Variants in CDK6 observed in about 807,000 individuals in gnomAD.
The protein encoded by CDK6 is cyclin-dependent kinase 6.
Under a neutral mutation model 37.1 loss-of-function variants are expected in CDK6, and 6 were observed. That is an observed-to-expected ratio of 0.16 (90% CI 0.09 to 0.32). CDK6 has a LOEUF of 0.32. Among genes scored for constraint, CDK6 ranks in the 10% least tolerant of loss-of-function variants. The pLI is 1.00. For synonymous variants in CDK6, 160 were observed against 161.3 expected, an observed-to-expected ratio of 0.99 and a Z score of 0.06; for missense variants, 224 against 418.9, an observed-to-expected ratio of 0.53 and a Z score of 4.06.
intron 5 of CDK6, among the ~76,000 whole-genome samples, chr7:92,646,364 G>T (rs967735000): frequency 2.0e-5 from 3 of 151,524 alleles, no homozygotes; most frequent in Non-Finnish European, 2.9e-5. Flanking sequence ...CAGAATGATT[G>T]TAAGCACCTG....
At chr7:92,710,433 AAAG>A (rs377518297) in intron 4 of CDK6, among the ~76,000 whole-genome samples, 3 of 152,226 alleles carry the variant, frequency 2.0e-5, no homozygotes, top group African/African-American at 7.2e-5. Context: ...TCAACTAACC[AAAG>A]AAGAAGGAAT....
chr7:92,832,978 G>A (rs1048029802), intron 2 of CDK6, 113 bp downstream of exon 2: 1 of 721,206 alleles, frequency 1.4e-6, no homozygotes, highest in Non-Finnish European at 2.3e-6. Flanking sequence ...AGGTCGCGCA[G>A]GACCTCCCCA....
intron 5 of CDK6, among the ~76,000 whole-genome samples, chr7:92,631,186 G>T (rs949638584): frequency 2.6e-5 from 4 of 152,020 alleles, no homozygotes; most frequent in Admixed American, 2.6e-4. Flanking sequence ...GTAGGAGAGG[G>T]CCCAGGAATA....
At chr7:92,756,554 T>A (rs142966311) in intron 3 of CDK6, among the ~76,000 whole-genome samples, 1 of 152,322 alleles carries the variant, frequency 6.6e-6, no homozygotes, top group East Asian at 1.9e-4. Flanking sequence ...TAGGTTTAGA[T>A]CTAGGTTAGA....
At chr7:92,647,962 TA>T (rs1796488161) in intron 5 of CDK6, among the ~76,000 whole-genome samples, 1 of 152,224 alleles carries the variant, frequency 6.6e-6, no homozygotes, top group African/African-American at 2.4e-5. Context: ...TCTCCCTCTA[TA>T]GCATGAGCAG....
intron 5 of CDK6, among the ~76,000 whole-genome samples, chr7:92,639,820 C>T (rs1796260706): frequency 6.6e-6 from 1 of 152,130 alleles, no homozygotes; most frequent in South Asian, 2.1e-4. Flanking sequence ...CAGTCATTTC[C>T]AACCACAGAT....
Position 92,778,943 on chromosome 7 carries a change from AT to A in CDK6, c.234-4113del, listed in dbSNP as rs1755144767. Among the ~76,000 whole-genome samples the A allele has an allele frequency of 6.9e-5, 10 of 144,860 alleles. No individual in the cohort carries two copies. The South Asian group carries it at 1.5e-3, about 22-fold the overall frequency. The stretch of plus-strand genomic sequence containing the variant: ...GTTTATCATATATATATATATATAT[AT>A]ATAAGATATTATAGTAATTTCCAAA... On this transcript the variant is annotated intron_variant, in intron 2 of 7. Coordinates refer to ENST00000424848, the MANE Select transcript of CDK6 (RefSeq NM_001145306.2).
At chr7:92,620,933 G>A (rs1157535217) in intron 6 of CDK6, among the ~76,000 whole-genome samples, 2 of 152,132 alleles carry the variant, frequency 1.3e-5, no homozygotes, top group Non-Finnish European at 2.9e-5. Flanking sequence ...AAAAGAGTAT[G>A]TGAATATGGC....
intron 2 of CDK6, among the ~76,000 whole-genome samples, chr7:92,802,990 C>G (rs975278656): frequency 6.6e-5 from 10 of 152,184 alleles, no homozygotes; most frequent in African/African-American, 2.4e-4. Context: ...AGGGCCAATT[C>G]GTCATTCTGC....
chr7:92,821,925 A>G (rs927532535), intron 2 of CDK6, among the ~76,000 whole-genome samples: 2 of 152,050 alleles, frequency 1.3e-5, no homozygotes, highest in African/African-American at 2.4e-5. Flanking sequence ...AGTGATAGCC[A>G]TTTATACAAG....
At chr7:92,828,408 C>A (rs1314910095) in intron 2 of CDK6, among the ~76,000 whole-genome samples, 2 of 152,118 alleles carry the variant, frequency 1.3e-5, no homozygotes, top group African/African-American at 4.8e-5. Context: ...AAAATTGCTA[C>A]TTAGTTTTAA....
intron 5 of CDK6, among the ~76,000 whole-genome samples, chr7:92,660,293 T>G (rs1796806861): frequency 6.6e-6 from 1 of 152,210 alleles, no homozygotes; most frequent in Non-Finnish European, 1.5e-5. Context: ...CACAGTACAG[T>G]GCTTCAGGCC....
intron 5 of CDK6, among the ~76,000 whole-genome samples, chr7:92,635,251 T>C (rs866273127): frequency 6.6e-6 from 1 of 152,196 alleles, no homozygotes; most frequent in Non-Finnish European, 1.5e-5. Context: ...CAGGTAACAA[T>C]GTTGTTTCCA....
chr7:92,608,265 T>C lies in CDK6; in HGVS notation c.*6875A>G, dbSNP rs1795475523. ...CAAACTCCTAAAATTGAGAAAGGGTTATTTGTGTGACCAAACAACTCACAC... is the reference window on the plus strand; with the variant it reads ...CAAACTCCTAAAATTGAGAAAGGGTCATTTGTGTGACCAAACAACTCACAC... On this transcript the variant is annotated 3_prime_UTR_variant, in exon 8 of 8. Coordinates refer to ENST00000424848, the MANE Select transcript of CDK6 (RefSeq NM_001145306.2). 2 of 232,084 alleles carry C rather than the reference T, an allele frequency of 8.6e-6. No individual in the cohort carries two copies. The highest frequency in any genetic ancestry group is 1.7e-5 in the Non-Finnish European group (2 of 117,446). The allele number at this position is 232,084 out of a possible 1,614,324, so 14.4% of individuals were successfully genotyped here.
rs1301249391 is a variant in CDK6, at chr7:92,833,617, C to A, written c.-294G>T. On this transcript the variant is annotated 5_prime_UTR_variant, in exon 2 of 8. Transcript: ENST00000424848. This position sits in a 1 kb window ranked among gnomAD's most constrained non-coding sequence, Gnocchi z 6.1. ...GAGCCGATCCCTCCTCTTCCCTCCTCGAAGCGAAGTCCTCAACACAGACAC... is the reference window on the plus strand; with the variant it reads ...GAGCCGATCCCTCCTCTTCCCTCCTAGAAGCGAAGTCCTCAACACAGACAC... 2 of 530,870 alleles carry A rather than the reference C, an allele frequency of 3.8e-6. No homozygotes were observed. The highest frequency in any genetic ancestry group is 6.5e-6 in the Non-Finnish European group (2 of 306,430). 32.9% of individuals were successfully genotyped at this position (530,870 alleles called of 1,614,324 possible). A position where few individuals can be genotyped will look rare whatever the true frequency, so the allele number is the denominator to read the frequency against.
At chr7:92,758,469 T>C (rs1166213153) in intron 3 of CDK6, among the ~76,000 whole-genome samples, 1 of 152,206 alleles carries the variant, frequency 6.6e-6, no homozygotes, top group Non-Finnish European at 1.5e-5. Flanking sequence ...TTCTGGGCTC[T>C]CTATTCTGTT....
chr7:92,804,510 G>C (rs1371944745), intron 2 of CDK6, among the ~76,000 whole-genome samples: 1 of 152,034 alleles, frequency 6.6e-6, no homozygotes, highest in Non-Finnish European at 1.5e-5. Flanking sequence ...CCTTACTCTT[G>C]GTTTTCCTCT....
intron 5 of CDK6, among the ~76,000 whole-genome samples, chr7:92,656,108 A>G (rs1585373576): frequency 6.6e-6 from 1 of 152,184 alleles, no homozygotes; most frequent in Non-Finnish European, 1.5e-5. Context: ...GGAGAGAGGG[A>G]AAGAGAAGGA....
At chr7:92,808,632 A>T (rs951053992) in intron 2 of CDK6, among the ~76,000 whole-genome samples, 1 of 152,122 alleles carries the variant, frequency 6.6e-6, no homozygotes, top group African/African-American at 2.4e-5. Context: ...CCAATGTGCA[A>T]TTTTCCAATG....
Sources: gnomAD v4.1 joint callset for allele counts (sites outside exome capture counted in the v4.1 genomes callset) on GRCh38, gnomAD v4.1.1 for gene constraint, Gnocchi (gnomAD v3.1) non-coding constraint, MANE v1.5 for transcripts, NCBI Gene and HGNC (gene_info 2026-07-23, HGNC 2026-07-21) for gene names.